TUSC3: variants seen among roughly 807,000 people sequenced by gnomAD.
The protein encoded by TUSC3 is dolichyl-diphosphooligosaccharide--protein glycosyltransferase subunit TUSC3.
Under a neutral mutation model 44.8 loss-of-function variants are expected in TUSC3, and 45 were observed. That is an observed-to-expected ratio of 1.00 (90% confidence interval 0.79 to 1.29). TUSC3 has a LOEUF of 1.29. Among genes scored for constraint, TUSC3 ranks in the 50% most tolerant of loss-of-function variants. The pLI, the probability that TUSC3 is intolerant of heterozygous loss-of-function variation, is 0.00. For missense variants in TUSC3, 519 were observed against 437.9 expected (o/e 1.19, Z -1.65); for synonymous variants, 212 against 152.9 (o/e 1.39, Z -2.85).
the TUSC3 span, among the ~76,000 whole-genome samples, chr8:15,777,158 A>G: frequency 6.6e-6 from 1 of 152,178 alleles, no homozygotes. Flanking sequence ...TAGGGTAACT[A>G]AAAGATAAAT....
intron 1 of TUSC3, among the ~76,000 whole-genome samples, chr8:15,599,643 A>G (rs1804200926): frequency 6.7e-6 from 1 of 149,840 alleles, no homozygotes; most frequent in African/African-American, 2.4e-5. Context: ...GCATGTAGAT[A>G]TCTAGCTGTT....
At chr8:15,593,219 G>C (rs1036446870) in intron 1 of TUSC3, among the ~76,000 whole-genome samples, 3 of 152,064 alleles carry the variant, frequency 2.0e-5, no homozygotes, top group Non-Finnish European at 4.4e-5. Context: ...CTGAGTAGCT[G>C]GGATTATTGG....
chr8:15,597,571 A>G (rs1187212610), intron 1 of TUSC3, among the ~76,000 whole-genome samples: 4 of 152,096 alleles, frequency 2.6e-5, no homozygotes, highest in South Asian at 2.1e-4. Context: ...TAAAATATGA[A>G]TAACATCTAA....
chr8:15,676,917 C>G (rs1168157299), intron 6 of TUSC3, among the ~76,000 whole-genome samples: 7 of 152,082 alleles, frequency 4.6e-5, no homozygotes, highest in African/African-American at 1.7e-4. Flanking sequence ...ACTGAAATAG[C>G]TAGAGCTTAG....
the TUSC3 span, among the ~76,000 whole-genome samples, chr8:15,832,792 A>G: frequency 6.6e-6 from 1 of 152,170 alleles, no homozygotes; most frequent in African/African-American, 2.4e-5. Context: ...GCAAGTTCTT[A>G]GAGACCTTTA....
intron 2 of TUSC3, among the ~76,000 whole-genome samples, chr8:15,626,798 T>G (rs1036116941): frequency 6.6e-6 from 1 of 152,214 alleles, no homozygotes; most frequent in African/African-American, 2.4e-5. Context: ...CTCTGGACTT[T>G]CGGCATAAAC....
chr8:15,781,875 G>C, the TUSC3 span, among the ~76,000 whole-genome samples: 1 of 152,194 alleles, frequency 6.6e-6, no homozygotes, highest in Non-Finnish European at 1.5e-5. Context: ...GCTCATGTCT[G>C]TAATCCAAGC....
At chr8:15,475,844 C>G (rs1176189578) in intron 1 of TUSC3, among the ~76,000 whole-genome samples, 1 of 152,146 alleles carries the variant, frequency 6.6e-6, no homozygotes, top group Non-Finnish European at 1.5e-5. Flanking sequence ...TATAGTTGCA[C>G]TAATTCTCTT....
In TUSC3 at chr8:15,452,938, G is replaced by T. The variant is rs1425203531; in HGVS notation, n.92-30448G>T. Among the ~76,000 whole-genome samples the T allele has an allele frequency of 2.6e-5, 4 of 151,820 alleles. No individual in the cohort carries two copies. In the South Asian group the frequency reaches 8.3e-4, roughly 32 times the overall value. ...TCTTTACCTACAATTGTCTTGGTAA[G>T]TTCTTTTATCCCTGCACCACCAGAC... On this transcript the variant is annotated intron_variant and non_coding_transcript_variant, in intron 1 of 5. Transcript: ENST00000503191.
At chr8:15,421,656 A>T (rs1398633712) in intron 1 of TUSC3, among the ~76,000 whole-genome samples, 3 of 152,232 alleles carry the variant, frequency 2.0e-5, no homozygotes, top group Non-Finnish European at 2.9e-5. Context: ...TTGTCCACTA[A>T]TGGGACAGTG....
upstream of TUSC3, among the ~76,000 whole-genome samples, chr8:15,537,383 T>C (rs1265116815): frequency 6.6e-6 from 1 of 152,152 alleles, no homozygotes; most frequent in Non-Finnish European, 1.5e-5. Context: ...TTGATTGATG[T>C]CTCATGCCTC....
intron 1 of TUSC3, among the ~76,000 whole-genome samples, chr8:15,465,431 A>G (rs1800401904): frequency 6.6e-6 from 1 of 152,188 alleles, no homozygotes; most frequent in Non-Finnish European, 1.5e-5. Flanking sequence ...GTGGTCCACA[A>G]TCTCATGAAG....
At chr8:15,713,672 G>T (rs1324258234) in intron 6 of TUSC3, among the ~76,000 whole-genome samples, 1 of 151,868 alleles carries the variant, frequency 6.6e-6, no homozygotes, top group Non-Finnish European at 1.5e-5. Context: ...CTCTTCCCAT[G>T]GTCTTTACTC....
At chr8:15,438,660 A>T (rs988841754) in intron 1 of TUSC3, among the ~76,000 whole-genome samples, 2 of 152,200 alleles carry the variant, frequency 1.3e-5, no homozygotes, top group Admixed American at 6.5e-5. Context: ...TACATCAGCA[A>T]ACTGAATGCT....
chr8:15,528,036 A>C (rs1056599012), intron 2 of TUSC3, among the ~76,000 whole-genome samples: 1 of 152,188 alleles, frequency 6.6e-6, no homozygotes, highest in Admixed American at 6.5e-5. Flanking sequence ...ATATTTCCTT[A>C]TAAAGAATTT....
intron 1 of TUSC3, among the ~76,000 whole-genome samples, chr8:15,585,125 A>T (rs1019130631): frequency 6.6e-6 from 1 of 152,132 alleles, no homozygotes; most frequent in African/African-American, 2.4e-5. Context: ...GTTAGAAATG[A>T]AGAGAAGGGG....
At chr8:15,751,109 C>CGAGA (rs746294607) in intron 9 of TUSC3, among the ~76,000 whole-genome samples, 4 of 151,976 alleles carry the variant, frequency 2.6e-5, no homozygotes, top group Non-Finnish European at 4.4e-5. Context: ...TGTGGGTTTA[C>CGAGA]GAGATTGACT....
intron 1 of TUSC3, among the ~76,000 whole-genome samples, chr8:15,446,615 C>T (rs942538216): frequency 7.9e-5 from 12 of 151,354 alleles, no homozygotes; most frequent in Admixed American, 1.3e-4. Flanking sequence ...CAATCCCAGG[C>T]GCTCGGCAGG....
the TUSC3 span, among the ~76,000 whole-genome samples, chr8:15,822,543 A>C: frequency 6.6e-6 from 1 of 152,128 alleles, no homozygotes; most frequent in African/African-American, 2.4e-5. Flanking sequence ...GGTCTTGCTG[A>C]TGCTGCTGGT....
Sources: gnomAD v4.1 joint callset for allele counts (sites outside exome capture counted in the v4.1 genomes callset) on GRCh38, gnomAD v4.1.1 for gene constraint, MANE v1.5 for transcripts, NCBI Gene and HGNC (gene_info 2026-07-23, HGNC 2026-07-21) for gene names.